Variants in NUP58 observed in about 807,000 individuals in gnomAD.
The protein encoded by NUP58 is nucleoporin 58, also known as nucleoporin p58/p45.
NUP58 carries 17 observed loss-of-function variants against 70.1 expected under a neutral mutation model. That is an observed-to-expected ratio of 0.24 (90% CI 0.17 to 0.36). The LOEUF is 0.36. NUP58 is among the 10% of genes least tolerant of loss of function. The probability of loss-of-function intolerance (pLI) is 1.00; values close to 1 mark genes in which losing one functional copy is unlikely to be tolerated. For synonymous variants in NUP58, 275 were observed against 257.6 expected (o/e 1.07, Z -0.65); for missense variants, 644 against 701.5 (o/e 0.92, Z 0.93).
chr13:25,330,117 C>G (rs888798466), intron 12 of NUP58, among the ~76,000 whole-genome samples: 1 of 152,076 alleles, frequency 6.6e-6, no homozygotes, highest in Admixed American at 6.6e-5. Flanking sequence ...TGGGAGCCAC[C>G]GCGGCCAGGC....
chr13:25,319,287 T>G, intron 6 of NUP58, 39 bp from the exon 7 acceptor site: 1 of 1,584,580 alleles, frequency 6.3e-7, no homozygotes, highest in Non-Finnish European at 8.7e-7. Context: ...GTTGTTCAAT[T>G]ACCAATTTTT....
chr13:25,319,412 G>A (rs960144583), intron 7 of NUP58, 62 bp downstream of exon 7: 5 of 1,442,486 alleles, frequency 3.5e-6, no homozygotes, highest in Non-Finnish European at 4.9e-6. Context: ...TTAAATTGTA[G>A]GCAGATGGTA....
intron 6 of NUP58, among the ~76,000 whole-genome samples, 183 bp downstream of exon 6, chr13:25,315,650 T>G (rs2137753476): frequency 6.7e-6 from 1 of 149,084 alleles, no homozygotes; most frequent in African/African-American, 2.4e-5. Context: ...AGTATTGTTT[T>G]GTAGTCTGTT....
chr13:25,348,004 C>G (rs1235794800), intron 3 of NUP58, among the ~76,000 whole-genome samples: 1 of 152,088 alleles, frequency 6.6e-6, no homozygotes, highest in Non-Finnish European at 1.5e-5. Context: ...TATTATAATC[C>G]AACAAGGGAG....
chr13:25,344,232 A>G (rs1160336159), downstream of NUP58, among the ~76,000 whole-genome samples: 3 of 152,164 alleles, frequency 2.0e-5, no homozygotes, highest in African/African-American at 4.8e-5. Context: ...ATAGGTATTA[A>G]TATTTTTCCT....
intron 12 of NUP58, among the ~76,000 whole-genome samples, chr13:25,328,598 T>C (rs928159075): frequency 3.3e-5 from 5 of 152,118 alleles, no homozygotes; most frequent in Admixed American, 6.5e-5. Context: ...GGTTTTGCCA[T>C]GTTGCACAGG....
chr13:25,322,786 A>G (rs1027452333), intron 9 of NUP58, among the ~76,000 whole-genome samples: 4 of 152,154 alleles, frequency 2.6e-5, no homozygotes, highest in East Asian at 3.8e-4. Context: ...GTATTGCCCC[A>G]TGTTTCCTTT....
At chr13:25,349,139 G>A (rs1158001945) in intron 3 of NUP58, among the ~76,000 whole-genome samples, 2 of 152,126 alleles carry the variant, frequency 1.3e-5, no homozygotes, top group Non-Finnish European at 2.9e-5. Context: ...TTTATTATTT[G>A]GTGGTATCTT....
intron 6 of NUP58, among the ~76,000 whole-genome samples, chr13:25,318,800 A>G (rs1402376093): frequency 6.6e-6 from 1 of 152,200 alleles, no homozygotes; most frequent in Non-Finnish European, 1.5e-5. Context: ...ATAAATTGTG[A>G]TAGTTGTTTT....
chr13:25,331,913 TCATC>T (rs1273782893), intron 13 of NUP58: 3 of 1,070,460 alleles, frequency 2.8e-6, no homozygotes, highest in East Asian at 7.1e-5. Context: ...AAGTCAGAGA[TCATC>T]CATCCATTCT....
intron 9 of NUP58, 34 bp from the exon 10 acceptor site, chr13:25,324,955 T>TC (rs2031336582): frequency 1.0e-6 from 1 of 956,970 alleles, no homozygotes; most frequent in Non-Finnish European, 1.4e-6. Flanking sequence ...TTAACTGGCT[T>TC]TTTTTTTTTT....
chr13:25,315,226 CTTG>C (rs1232440603), intron 5 of NUP58, 128 bp from the exon 6 acceptor site: 2 of 704,796 alleles, frequency 2.8e-6, no homozygotes, highest in Non-Finnish European at 4.9e-6. Flanking sequence ...AGGCTTGTTT[CTTG>C]TTGTTTGCCT....
At position 25,304,481 on chromosome 13, in the gene NUP58, T is replaced by C. The variant is rs1252438939; in HGVS notation, c.107+2601T>C. On this transcript the variant is annotated intron_variant, in intron 1 of 15. Transcript: ENST00000381736. Reference sequence around the variant, plus strand: ...GTCTTCAGTTATGTTGTCAAGATTATATATATATATATATATATATATATA... The same window carrying C: ...GTCTTCAGTTATGTTGTCAAGATTACATATATATATATATATATATATATA... Among the ~76,000 whole-genome samples the C allele has an allele frequency of 8.1e-4, 9 of 11,088 alleles. No homozygotes were observed. In the East Asian group the frequency reaches 0.017, roughly 21 times the overall value. 7.3% of individuals were successfully genotyped at this position (11,088 alleles called of 152,430 possible). A position where few individuals can be genotyped will look rare whatever the true frequency, so the allele number is the denominator to read the frequency against.
Position 25,321,021 on chromosome 13 carries a change from C to T in NUP58, c.879C>T (p.Leu293=). 3 of 1,600,298 alleles carry T rather than the reference C, an allele frequency of 1.9e-6. No individual in the cohort carries two copies. Among genetic ancestry groups the T allele is most frequent in the Non-Finnish European group, 2.6e-6 (3 of 1,175,062 alleles). ...AAGATATTAAAGCTCTGAAGCAGCT[C>T]CTGTCGTTGGCTGCCAATGGAATAC... ...VQEDIKALKQ[L]LSLAANGIQR... is the part of the protein sequence containing the mutation. Residue 293 remains leucine (L), a synonymous_variant, in exon 9 of 16, where the codon CTC becomes CTT. Coordinates refer to ENST00000381736, the MANE Select transcript of NUP58 (RefSeq NM_014089.4).
At chr13:25,329,850 G>T (rs987780695) in intron 12 of NUP58, among the ~76,000 whole-genome samples, 2 of 152,046 alleles carry the variant, frequency 1.3e-5, no homozygotes, top group Non-Finnish European at 2.9e-5. Flanking sequence ...GTTGAGAAGG[G>T]CTTGCTCTGT....
intron 1 of NUP58, among the ~76,000 whole-genome samples, chr13:25,302,228 TTGAA>T (rs1295045576): frequency 6.6e-6 from 1 of 152,240 alleles, no homozygotes; most frequent in Non-Finnish European, 1.5e-5. Context: ...AGAATGAACA[TTGAA>T]TGAATGAATG....
Position 25,313,006 on chromosome 13 carries a change from C to A in NUP58, c.410C>A (p.Ser137Ter), listed in dbSNP as rs749057034. 1 of 1,613,916 alleles carries A rather than the reference C, an allele frequency of 6.2e-7. No individual in the cohort carries two copies. Among genetic ancestry groups the A allele is most frequent in the Non-Finnish European group, 8.5e-7 (1 of 1,179,986 alleles). ...ACCTCAGCTAGCGGTCTGACTCTTT[C>A]GTCTGCTCTGACATCAACTCCAGCA... Reference protein sequence around the residue: ...TSTSASGLTLSSALTSTPAAS... With the variant: ...TSTSASGLTL Residue 137 changes from serine (S) to a stop codon, truncating the protein, a stop_gained, in exon 4 of 16, where the codon TCG (serine) becomes TAG (stop). Coordinates refer to ENST00000381736, the MANE Select transcript of NUP58 (RefSeq NM_014089.4). LOFTEE classifies it high-confidence loss of function.
chr13:25,331,270 T>C, intron 12 of NUP58, 87 bp from the exon 13 acceptor site: 3 of 1,258,172 alleles, frequency 2.4e-6, no homozygotes, highest in Non-Finnish European at 3.4e-6. Flanking sequence ...TGGGACTGTC[T>C]TTGGTAATTT....
At chr13:25,329,431 T>C (rs993581627) in intron 12 of NUP58, among the ~76,000 whole-genome samples, 12 of 152,158 alleles carry the variant, frequency 7.9e-5, no homozygotes, top group East Asian at 3.9e-4. Context: ...TTTGGTAATA[T>C]GACCATAAAA....
Sources: gnomAD v4.1 joint callset for allele counts (sites outside exome capture counted in the v4.1 genomes callset) on GRCh38, gnomAD v4.1.1 for gene constraint, MANE v1.5 for transcripts, NCBI Gene and HGNC (gene_info 2026-07-23, HGNC 2026-07-21) for gene names.